The following MLST8 variants were observed in gnomAD, a reference collection of about 807,000 sequenced individuals.
MLST8 encodes MTOR associated protein MLST8.
A neutral mutation model predicts 41.3 loss-of-function variants in MLST8; 20 were observed. The ratio of observed to expected loss-of-function variants is 0.48; its 90% CI spans 0.34 to 0.70. MLST8 has a LOEUF of 0.70. MLST8 is among the 30% of genes least tolerant of loss of function. MLST8 has a pLI of 0.01. For synonymous variants in MLST8, 243 were observed against 183.0 expected, an observed-to-expected ratio of 1.33 and a Z score of -2.65; for missense variants, 422 against 454.3, an observed-to-expected ratio of 0.93 and a Z score of 0.65.
At position 2,207,700 on chromosome 16, in the gene MLST8, C is replaced by G. The variant is rs1567277767; in HGVS notation, c.573+355C>G. 2.4e-5 allele frequency: 8 copies of G among 340,196 alleles called. No homozygotes were observed. In the South Asian group the frequency reaches 2.8e-4, roughly 12 times the overall value. 21.1% of individuals were successfully genotyped at this position (340,196 alleles called of 1,614,324 possible). A position where few individuals can be genotyped will look rare whatever the true frequency, so the allele number is the denominator to read the frequency against. Reference sequence around the variant, plus strand: ...TCCCCTGGCCCCTGACACGTTCTCTCTTGGATGCTTCTAGTGGTGCCTGGT... The same window carrying G: ...TCCCCTGGCCCCTGACACGTTCTCTGTTGGATGCTTCTAGTGGTGCCTGGT... On this transcript the variant is annotated intron_variant, in intron 6 of 8. Coordinates refer to ENST00000569417, the MANE Select transcript of MLST8 (RefSeq NM_022372.6).
rs1372929462 is a variant in MLST8 at position 2,209,092 on chromosome 16, C to T, written c.*215C>T. 6.2e-6 allele frequency: 4 copies of T among 642,800 alleles called. No homozygotes were observed. Among genetic ancestry groups the T allele is most frequent in the East Asian group, 5.5e-5 (2 of 36,494 alleles). 39.8% of individuals were successfully genotyped at this position (642,800 alleles called of 1,614,324 possible). A position where few individuals can be genotyped will look rare whatever the true frequency, so the allele number is the denominator to read the frequency against. On this transcript the variant is annotated 3_prime_UTR_variant, in exon 9 of 9. Transcript: ENST00000569417. ...AGAGCTCGACCCAAGCCAGGCTGCA[C>T]ACTCCTGGACTGGGCTAGCCTGCAC... is the stretch of plus-strand genomic sequence containing the variant.
chr16:2,208,031 C>A, intron 6 of MLST8, 179 bp from the exon 7 acceptor site: 1 of 607,146 alleles, frequency 1.6e-6, no homozygotes, highest in Non-Finnish European at 2.7e-6. Context: ...CCAGGTGTGG[C>A]CCTTGCTTGG....
Position 2,205,481 on chromosome 16 carries a change from T to C in MLST8, c.-87T>C, listed in dbSNP as rs760781447. 1.2e-3 allele frequency: 191 copies of C among 157,900 alleles called. 1 individual carries two copies. Among genetic ancestry groups the C allele is most frequent in the Non-Finnish European group, 2.3e-3 (168 of 73,584 alleles). The allele number at this position is 157,900 out of a possible 1,614,324, so 9.8% of individuals were successfully genotyped here. ...CTCGCTCCGGCTCCCCTCGCCGTCC[T>C]GGACACGGCGGAGTGCGGAGCCGCC... On this transcript the variant is annotated 5_prime_UTR_variant, in exon 1 of 9. Transcript: ENST00000569417.
chr16:2,205,984 C>G, intron 1 of MLST8, 47 bp from the exon 2 acceptor site: 2 of 1,500,130 alleles, frequency 1.3e-6, no homozygotes, highest in South Asian at 1.3e-5. Context: ...CTATAATCTA[C>G]TTAGCACAGA....
intron 1 of MLST8, 85 bp downstream of exon 1, chr16:2,205,597 G>A (rs923738863): frequency 2.4e-6 from 2 of 846,622 alleles, no homozygotes; most frequent in African/African-American, 1.8e-5. Context: ...CAGCAGGACG[G>A]AGCAAGGGCG....
rs962386325 is a variant in MLST8, at chr16:2,205,477, G to C, written c.-91G>C. ...TCGACTCGCTCCGGCTCCCCTCGCCGTCCTGGACACGGCGGAGTGCGGAGC... is the reference window on the plus strand; with the variant it reads ...TCGACTCGCTCCGGCTCCCCTCGCCCTCCTGGACACGGCGGAGTGCGGAGC... On this transcript the variant is annotated 5_prime_UTR_variant, in exon 1 of 9. Coordinates refer to ENST00000569417, the MANE Select transcript of MLST8 (RefSeq NM_022372.6). 1 of 154,930 alleles carries C rather than the reference G, an allele frequency of 6.5e-6. No individual in the cohort carries two copies. The highest frequency in any genetic ancestry group is 2.4e-5 in the African/African-American group (1 of 41,226). The allele number at this position is 154,930 out of a possible 1,614,324, so 9.6% of individuals were successfully genotyped here. A position where few individuals can be genotyped will look rare whatever the true frequency, so the allele number is the denominator to read the frequency against.
At chr16:2,206,761 T>C in intron 4 of MLST8, 102 bp downstream of exon 4, 1 of 1,357,898 alleles carries the variant, frequency 7.4e-7, no homozygotes, top group Non-Finnish European at 1.0e-6. Flanking sequence ...ACAGGGAGCT[T>C]CCTGTGGGCG....
At position 2,209,408 on chromosome 16, in the gene MLST8, G is replaced by A. The variant is rs140460866; in HGVS notation, c.*531G>A. ...GCAGACCGACACGCAGATGTTGCTC[G>A]GGAAGCAGATGTCGATGCAGAGATA... is the stretch of plus-strand genomic sequence containing the variant. On this transcript the variant is annotated 3_prime_UTR_variant, in exon 9 of 9. Coordinates refer to ENST00000569417, the MANE Select transcript of MLST8 (RefSeq NM_022372.6). 100 of 1,613,738 alleles carry A rather than the reference G, an allele frequency of 6.2e-5. No homozygotes were observed. Among genetic ancestry groups the A allele is most frequent in the Non-Finnish European group, 7.4e-5 (87 of 1,179,990 alleles).
At chr16:2,206,784 A>G (rs770277230) in intron 4 of MLST8, 125 bp downstream of exon 4, 26 of 1,169,752 alleles carry the variant, frequency 2.2e-5, no homozygotes, top group Admixed American at 2.0e-4. Flanking sequence ...TTACTGAGAG[A>G]AGTGAGGACA....
intron 8 of MLST8, 31 bp from the exon 9 acceptor site, chr16:2,208,728 G>C (rs74961699): frequency 7.0e-5 from 113 of 1,613,676 alleles, no homozygotes; most frequent in Non-Finnish European, 9.4e-5. Context: ...CTGCACCTGC[G>C]CTCTTAGCCC....
chr16:2,206,771 G>A (rs909837759), intron 4 of MLST8, 112 bp downstream of exon 4: 17 of 1,262,854 alleles, frequency 1.3e-5, no homozygotes, highest in Non-Finnish European at 1.7e-5. Flanking sequence ...TCCTGTGGGC[G>A]ACTTACTGAG....
At position 2,208,612 on chromosome 16, in the gene MLST8, T is replaced by C. The variant is rs768800322; in HGVS notation, c.861T>C (p.Thr287=). ...AFSGDSQYIV[T]ASSDNLARLW... is the part of the protein sequence containing the mutation. The stretch of plus-strand genomic sequence containing the variant: ...CGGGGGACTCCCAGTACATCGTCAC[T>C]GGTGAGCCCCGCCCTGGCCTCCCCC... Residue 287 remains threonine, a splice_region_variant and synonymous_variant, in exon 8 of 9, where the codon ACT becomes ACC. Coordinates refer to ENST00000569417, the MANE Select transcript of MLST8 (RefSeq NM_022372.6). 6.2e-7 allele frequency: 1 copy of C among 1,612,252 alleles called. No homozygotes were observed. The highest frequency in any genetic ancestry group is 1.7e-5 in the Admixed American group (1 of 59,990).
chr16:2,206,428 C>CTTAG lies in MLST8; in HGVS notation c.181+20_181+21insTAGT. On this transcript the variant is annotated intron_variant, in intron 3 of 8. Coordinates refer to ENST00000569417, the MANE Select transcript of MLST8 (RefSeq NM_022372.6). The stretch of plus-strand genomic sequence containing the variant: ...GCTGCAGGTATCTGTGATCCTTGAT[C>CTTAG]TCTAAACTCCTGAGCTCTGGTGGGT... 5.0e-6 allele frequency: 8 copies of CTTAG among 1,614,142 alleles called. No individual in the cohort carries two copies. Among genetic ancestry groups the CTTAG allele is most frequent in the Non-Finnish European group, 6.8e-6 (8 of 1,180,000 alleles).
intron 8 of MLST8, 27 bp downstream of exon 8, chr16:2,208,640 C>G (rs1441835213): frequency 6.2e-7 from 1 of 1,611,972 alleles, no homozygotes; most frequent in Admixed American, 1.7e-5. Flanking sequence ...CCTCCCCCAT[C>G]CCTGGCCCCC....
In MLST8 at chr16:2,208,956, C is replaced by G; in HGVS notation, c.*79C>G. ...TGCAGCACCCAGGTCAGAGCAGACC[C>G]TCCCCTGCCGGCCTGCGCCAGCTGG... On this transcript the variant is annotated 3_prime_UTR_variant, in exon 9 of 9. Transcript: ENST00000569417. The G allele has an allele frequency of 6.7e-7, 1 of 1,497,908 alleles. No individual in the cohort carries two copies. The highest frequency in any genetic ancestry group is 1.7e-5 in the Admixed American group (1 of 59,250). The allele number at this position is 1,497,908 out of a possible 1,614,324, so 92.8% of individuals were successfully genotyped here.
chr16:2,209,179 C>A lies in MLST8; in HGVS notation c.*302C>A. 2 of 678,838 alleles carry A rather than the reference C, an allele frequency of 2.9e-6. No homozygotes were observed. Among genetic ancestry groups the A allele is most frequent in the Non-Finnish European group, 4.9e-6 (2 of 406,636 alleles). The allele number at this position is 678,838 out of a possible 1,614,324, so 42.1% of individuals were successfully genotyped here. ...AGGGGTCTGAGGCTGGTGCCCACCC[C>A]CAAGCTAGTGTGTTCTCTGCCCCTC... On this transcript the variant is annotated 3_prime_UTR_variant, in exon 9 of 9. Transcript: ENST00000569417.
At chr16:2,207,580 C>G (rs932062180) in intron 6 of MLST8, 13 of 562,670 alleles carry the variant, frequency 2.3e-5, no homozygotes, top group East Asian at 1.8e-4. Context: ...CGATCCACTT[C>G]CCTCTTTTCA....
In MLST8 at chr16:2,208,954, C is replaced by A. The variant is rs1453771483; in HGVS notation, c.*77C>A. On this transcript the variant is annotated 3_prime_UTR_variant, in exon 9 of 9. Coordinates refer to ENST00000569417, the MANE Select transcript of MLST8 (RefSeq NM_022372.6). ...CATGCAGCACCCAGGTCAGAGCAGA[C>A]CCTCCCCTGCCGGCCTGCGCCAGCT... The A allele has an allele frequency of 3.3e-6, 5 of 1,499,028 alleles. No individual in the cohort carries two copies. The highest frequency in any genetic ancestry group is 1.7e-5 in the Admixed American group (1 of 59,268). 92.9% of individuals were successfully genotyped at this position (1,499,028 alleles called of 1,614,324 possible). A position where few individuals can be genotyped will look rare whatever the true frequency, so the allele number is the denominator to read the frequency against.
At chr16:2,207,680 T>G in intron 6 of MLST8, 4 of 371,050 alleles carry the variant, frequency 1.1e-5, no homozygotes, top group Non-Finnish European at 2.0e-5. Context: ...TGACCTCCCC[T>G]GGCCCCTGAC....
Sources: allele counts gnomAD v4.1 joint callset, GRCh38; gene constraint gnomAD v4.1.1; transcripts MANE v1.5; gene names NCBI Gene and HGNC (gene_info 2026-07-23, HGNC 2026-07-21).